Variants in CHST8 observed in about 807,000 individuals in gnomAD.
CHST8 encodes the protein GALNAC-4-ST1.
A neutral mutation model predicts 15.0 loss-of-function variants in CHST8; 10 were observed. The ratio of observed to expected loss-of-function variants is 0.67; its 90% CI spans 0.41 to 1.13. CHST8 has a LOEUF of 1.13. Among genes scored for constraint, CHST8 ranks in the 50% most tolerant of loss-of-function variants. The pLI is 0.00. For synonymous variants in CHST8, 259 were observed against 256.6 expected (o/e 1.01, Z -0.09); for missense variants, 634 against 608.2 (o/e 1.04, Z -0.45).
chr19:33,724,344 C>A (rs984407574), intron 3 of CHST8, among the ~76,000 whole-genome samples: 1 of 152,198 alleles, frequency 6.6e-6, no homozygotes, highest in Non-Finnish European at 1.5e-5. Flanking sequence ...GGCGAGCCCC[C>A]ACCCGGGGGT....
At chr19:33,693,979 G>A (rs1015553913) in intron 3 of CHST8, among the ~76,000 whole-genome samples, 18 of 150,470 alleles carry the variant, frequency 1.2e-4, no homozygotes, top group Admixed American at 2.7e-4. Flanking sequence ...GGGGCAAGGT[G>A]AGTCATTGTC....
chr19:33,666,358 G>A (rs1216019585), intron 1 of CHST8, among the ~76,000 whole-genome samples: 6 of 152,226 alleles, frequency 3.9e-5, no homozygotes, highest in African/African-American at 1.2e-4. Context: ...CAAGGACTCC[G>A]CTGTCTCCTC....
intron 3 of CHST8, among the ~76,000 whole-genome samples, chr19:33,729,524 G>A: frequency 6.6e-6 from 1 of 152,242 alleles, no homozygotes; most frequent in East Asian, 1.9e-4. Context: ...CACCTGGGAA[G>A]GGATTGCAAG....
rs544251234 is a variant in CHST8 at position 33,714,586 on chromosome 19, C to T, written c.130+25195C>T. ...ATGGGTACACTAAAAGCCTGGACTT[C>T]ACCACTAATATGGTTTGGCTGTGTC... is the stretch of plus-strand genomic sequence containing the variant. On this transcript the variant is annotated intron_variant, in intron 3 of 4. Transcript: ENST00000650847. Among the ~76,000 whole-genome samples, 4 of 152,336 alleles carry T rather than the reference C, an allele frequency of 2.6e-5. No homozygotes were observed. In the South Asian group the frequency reaches 8.3e-4, roughly 32 times the overall value.
At chr19:33,726,007 G>T (rs1160074420) in intron 3 of CHST8, among the ~76,000 whole-genome samples, 1 of 152,244 alleles carries the variant, frequency 6.6e-6, no homozygotes. Flanking sequence ...GGGCATGAAG[G>T]TCATTGCCCG....
intron 3 of CHST8, among the ~76,000 whole-genome samples, chr19:33,738,886 G>A (rs1340029910): frequency 1.3e-5 from 2 of 152,160 alleles, no homozygotes; most frequent in Admixed American, 6.5e-5. Context: ...CACCGTGCCC[G>A]GCCGGAGTCC....
Position 33,773,442 on chromosome 19 carries a change from T to G in CHST8, c.*379T>G. 1 of 220,782 alleles carries G rather than the reference T, an allele frequency of 4.5e-6. No homozygotes were observed. The highest frequency in any genetic ancestry group is 1.0e-4 in the East Asian group (1 of 9,876). 13.7% of individuals were successfully genotyped at this position (220,782 alleles called of 1,614,324 possible). On this transcript the variant is annotated 3_prime_UTR_variant, in exon 5 of 5. Coordinates refer to ENST00000650847, the MANE Select transcript of CHST8 (RefSeq NM_001127895.2). ...GGACCAAACCACGTGGTTTGCAGCT[T>G]TTCTACGAGCCAGGGGGGAGGTTCC...
At position 33,635,682 on chromosome 19, in the gene CHST8, G is replaced by C. The variant is rs182994994; in HGVS notation, c.-164+13386G>C. Among the ~76,000 whole-genome samples, 242 of 152,222 alleles carry C rather than the reference G, an allele frequency of 1.6e-3. 5 individuals are homozygous for C. The highest frequency in any genetic ancestry group is 0.014 in the Admixed American group (219 of 15,274). On this transcript the variant is annotated intron_variant, in intron 1 of 4. Coordinates refer to ENST00000650847, the MANE Select transcript of CHST8 (RefSeq NM_001127895.2). ...TGAGGGCCAGCAGTGGAAAAAATGCGGGCTTAGTTCCCCGGAGATACTGCG... is the reference window on the plus strand; with the variant it reads ...TGAGGGCCAGCAGTGGAAAAAATGCCGGCTTAGTTCCCCGGAGATACTGCG...
chr19:33,768,615 C>T (rs1037323417), intron 3 of CHST8, among the ~76,000 whole-genome samples: 15 of 152,010 alleles, frequency 9.9e-5, no homozygotes, highest in African/African-American at 3.6e-4. Flanking sequence ...CCACACCCAG[C>T]TAATTTTTTT....
At chr19:33,635,964 C>A (rs904181425) in intron 1 of CHST8, among the ~76,000 whole-genome samples, 1 of 150,994 alleles carries the variant, frequency 6.6e-6, no homozygotes, top group African/African-American at 2.4e-5. Context: ...GATGTGGAGG[C>A]GGGCGCGCAA....
At chr19:33,705,671 G>A (rs1425526243) in intron 3 of CHST8, among the ~76,000 whole-genome samples, 2 of 152,192 alleles carry the variant, frequency 1.3e-5, no homozygotes, top group Non-Finnish European at 2.9e-5. Flanking sequence ...GCTTCCCACA[G>A]TGATGGGGTG....
intron 3 of CHST8, among the ~76,000 whole-genome samples, chr19:33,722,591 T>A (rs1009810998): frequency 6.6e-6 from 1 of 152,182 alleles, no homozygotes; most frequent in African/African-American, 2.4e-5. Context: ...CTTTCTTACC[T>A]CTTTGTTCCT....
intron 3 of CHST8, among the ~76,000 whole-genome samples, chr19:33,726,944 C>T (rs1407171959): frequency 6.6e-6 from 1 of 151,742 alleles, no homozygotes; most frequent in Admixed American, 6.6e-5. Flanking sequence ...CTCCCAGCTC[C>T]TGCACCTTCC....
chr19:33,649,889 T>G (rs1167979509), intron 1 of CHST8, among the ~76,000 whole-genome samples: 1 of 152,190 alleles, frequency 6.6e-6, no homozygotes, highest in Non-Finnish European at 1.5e-5. Flanking sequence ...GTTTCAGTAT[T>G]GTTTATCTCC....
At chr19:33,756,602 A>G (rs1974552550) in intron 3 of CHST8, among the ~76,000 whole-genome samples, 1 of 151,574 alleles carries the variant, frequency 6.6e-6, no homozygotes, top group South Asian at 2.1e-4. Context: ...CACCCCTCAT[A>G]CCCCTGACTC....
At chr19:33,711,391 C>T (rs930386228) in intron 3 of CHST8, among the ~76,000 whole-genome samples, 1 of 152,150 alleles carries the variant, frequency 6.6e-6, no homozygotes, top group Non-Finnish European at 1.5e-5. Flanking sequence ...GGTATCAGAA[C>T]CTCTGGCCAT....
intron 3 of CHST8, among the ~76,000 whole-genome samples, chr19:33,746,538 T>C (rs574089236): frequency 8.6e-4 from 131 of 152,362 alleles, no homozygotes; most frequent in African/African-American, 3.1e-3. Context: ...GGTGTTTTTC[T>C]TACAGGCAAG....
chr19:33,659,852 C>T (rs752693038), intron 1 of CHST8, among the ~76,000 whole-genome samples: 3 of 152,094 alleles, frequency 2.0e-5, no homozygotes, highest in African/African-American at 4.8e-5. Context: ...CTTTATGTGT[C>T]GAGATTTATC....
intron 1 of CHST8, among the ~76,000 whole-genome samples, chr19:33,631,760 C>T (rs945063878): frequency 4.9e-4 from 74 of 152,052 alleles, no homozygotes; most frequent in African/African-American, 1.8e-3. Flanking sequence ...GGCAACCACT[C>T]CCCGCCCTCC....
Sources: gnomAD v4.1 joint callset for allele counts (sites outside exome capture counted in the v4.1 genomes callset) on GRCh38, gnomAD v4.1.1 for gene constraint, MANE v1.5 for transcripts, NCBI Gene and HGNC (gene_info 2026-07-23, HGNC 2026-07-21) for gene names.